SGCD: variants seen among roughly 807,000 people sequenced by gnomAD.
The protein encoded by SGCD is delta-sarcoglycan.
A neutral mutation model predicts 36.6 loss-of-function variants in SGCD; 18 were observed. The ratio of observed to expected loss-of-function variants is 0.49; its 90% CI spans 0.34 to 0.73. SGCD has a LOEUF of 0.73. Among genes scored for constraint, SGCD ranks in the 30% least tolerant of loss-of-function variants. The pLI is 0.01. For missense variants in SGCD, 387 were observed against 346.7 expected (o/e 1.12, Z -0.92); for synonymous variants, 133 against 130.6 (o/e 1.02, Z -0.12).
intron 1 of SGCD, among the ~76,000 whole-genome samples, chr5:155,950,189 G>C (rs1038961485): frequency 5.3e-5 from 8 of 152,172 alleles, no homozygotes; most frequent in African/African-American, 1.9e-4. Context: ...ATCAGAACCT[G>C]TGTCTCTACT....
At chr5:155,754,198 C>T in the SGCD span, among the ~76,000 whole-genome samples, 1 of 152,216 alleles carries the variant, frequency 6.6e-6, no homozygotes, top group African/African-American at 2.4e-5. Context: ...TTCTAATCTT[C>T]TGTTGCCTGA....
the SGCD span, among the ~76,000 whole-genome samples, chr5:155,854,182 C>A: frequency 6.6e-6 from 1 of 152,072 alleles, no homozygotes; most frequent in Admixed American, 6.6e-5. Context: ...TTGTCAGGGG[C>A]TGTTCTGTGC....
At chr5:156,509,625 T>C (rs776004791) in intron 4 of SGCD, among the ~76,000 whole-genome samples, 5 of 152,194 alleles carry the variant, frequency 3.3e-5, no homozygotes, top group Non-Finnish European at 4.4e-5. Flanking sequence ...CTTGGAGAAG[T>C]TTCATGTAAA....
At chr5:156,270,099 C>T (rs144407663) in intron 3 of SGCD, among the ~76,000 whole-genome samples, 9 of 152,250 alleles carry the variant, frequency 5.9e-5, no homozygotes, top group African/African-American at 2.2e-4. Context: ...TATGGCTAGC[C>T]AGTTATCCCA....
At chr5:156,402,409 A>C (rs989391346) in intron 3 of SGCD, among the ~76,000 whole-genome samples, 1 of 152,212 alleles carries the variant, frequency 6.6e-6, no homozygotes, top group African/African-American at 2.4e-5. Flanking sequence ...GAGAATGCAC[A>C]CTCTGAAGGT....
At chr5:156,723,456 A>T (rs535510224) in intron 7 of SGCD, among the ~76,000 whole-genome samples, 47 of 152,346 alleles carry the variant, frequency 3.1e-4, no homozygotes, top group African/African-American at 1.0e-3. Context: ...AAACAATAGG[A>T]AAAAACATTC....
intron 3 of SGCD, among the ~76,000 whole-genome samples, chr5:156,479,465 C>T (rs745781333): frequency 6.6e-6 from 1 of 152,172 alleles, no homozygotes; most frequent in Non-Finnish European, 1.5e-5. Context: ...GGTCTGTTCT[C>T]TCTGAGTTTC....
chr5:155,788,757 C>T, the SGCD span, among the ~76,000 whole-genome samples: 17 of 152,214 alleles, frequency 1.1e-4, no homozygotes, highest in African/African-American at 4.1e-4. Context: ...GGGCCTTATA[C>T]TTTATTTGCA....
rs376659221 is a variant in SGCD at position 156,508,634 on chromosome 5, G to C, written c.226G>C (p.Gly76Arg). Reference protein sequence around the residue: ...GMGNLRITEKGLKLEGDSEFL... With the variant: ...GMGNLRITEKRLKLEGDSEFL... ...GGGAAACCTGAGGATCACAGAAAAAGGTCTAAAGCTAGAAGGAGACTCTGA... is the reference window on the plus strand; with the variant it reads ...GGGAAACCTGAGGATCACAGAAAAACGTCTAAAGCTAGAAGGAGACTCTGA... Residue 76 changes from glycine to arginine, a missense_variant, in exon 4 of 9, where the codon GGT (glycine) becomes CGT (arginine). Transcript: ENST00000337851. The C allele has an allele frequency of 6.2e-7, 1 of 1,611,482 alleles. No homozygotes were observed. Among genetic ancestry groups the C allele is most frequent in the Non-Finnish European group, 8.5e-7 (1 of 1,178,000 alleles).
chr5:156,306,189 C>T (rs1052007393), intron 3 of SGCD, among the ~76,000 whole-genome samples: 3 of 152,156 alleles, frequency 2.0e-5, no homozygotes, highest in Non-Finnish European at 4.4e-5. Context: ...TTGGCTGTGT[C>T]ACCACCCGTA....
intron 4 of SGCD, among the ~76,000 whole-genome samples, chr5:156,566,550 C>T (rs1759485953): frequency 6.6e-6 from 1 of 152,094 alleles, no homozygotes; most frequent in Non-Finnish European, 1.5e-5. Context: ...CTTTGTACCC[C>T]TGGCATGATT....
chr5:155,735,170 G>A, the SGCD span, among the ~76,000 whole-genome samples: 6 of 152,316 alleles, frequency 3.9e-5, no homozygotes, highest in South Asian at 2.1e-4. Context: ...AAACATAGGA[G>A]TTGAAAGCCA....
At chr5:156,169,176 A>T (rs911879798) in intron 3 of SGCD, among the ~76,000 whole-genome samples, 3 of 152,236 alleles carry the variant, frequency 2.0e-5, no homozygotes, top group Non-Finnish European at 4.4e-5. Context: ...GACCACTTGA[A>T]AAATGAACAG....
chr5:156,187,456 AATAGAC>A (rs1763788694), intron 3 of SGCD, among the ~76,000 whole-genome samples: 2 of 152,106 alleles, frequency 1.3e-5, no homozygotes, highest in South Asian at 4.1e-4. Flanking sequence ...AAGCATTCTG[AATAGAC>A]ATATAGTCTC....
intron 1 of SGCD, among the ~76,000 whole-genome samples, chr5:155,874,518 A>C (rs1017375564): frequency 1.3e-5 from 2 of 152,136 alleles, no homozygotes; most frequent in Non-Finnish European, 2.9e-5. Context: ...TATATAAACA[A>C]ATAACTTGTA....
At chr5:156,162,486 C>T (rs1763108640) in intron 3 of SGCD, among the ~76,000 whole-genome samples, 1 of 151,500 alleles carries the variant, frequency 6.6e-6, no homozygotes, top group African/African-American at 2.4e-5. Context: ...GGTCAAGGAC[C>T]AGGGAACCAG....
At chr5:156,492,454 C>T (rs1470081359) in intron 3 of SGCD, among the ~76,000 whole-genome samples, 2 of 152,042 alleles carry the variant, frequency 1.3e-5, no homozygotes, top group Admixed American at 1.3e-4. Flanking sequence ...TATTTCGATT[C>T]CAGTCTCAAG....
chr5:156,084,989 C>T (rs571488929), intron 1 of SGCD, among the ~76,000 whole-genome samples: 3 of 152,260 alleles, frequency 2.0e-5, no homozygotes, highest in South Asian at 2.1e-4. Flanking sequence ...ATGGATTACA[C>T]AGATTAATTT....
At chr5:156,232,192 T>C (rs1395581387) in intron 3 of SGCD, among the ~76,000 whole-genome samples, 1 of 152,334 alleles carries the variant, frequency 6.6e-6, no homozygotes, top group African/African-American at 2.4e-5. Flanking sequence ...CTCCATTTAA[T>C]ATCCTCATAC....
Sources: gnomAD v4.1 joint callset for allele counts (sites outside exome capture counted in the v4.1 genomes callset) on GRCh38, gnomAD v4.1.1 for gene constraint, MANE v1.5 for transcripts, NCBI Gene and HGNC (gene_info 2026-07-23, HGNC 2026-07-21) for gene names.